Variants in CRPPA observed in about 807,000 individuals in gnomAD.
The protein encoded by CRPPA is D-ribitol-5-phosphate cytidylyltransferase.
In CRPPA, 43 loss-of-function variants were observed where a neutral mutation model predicts 52.0. The observed-to-expected ratio is 0.83, with a 90% CI of 0.65 to 1.07. The LOEUF (loss-of-function observed/expected upper bound fraction) is 1.07. Ranked by LOEUF, CRPPA falls within the 50% of genes least tolerant of loss-of-function variation. The pLI is 0.00. For missense variants in CRPPA, 629 were observed against 551.7 expected (o/e 1.14, Z -1.40); for synonymous variants, 250 against 203.5 (o/e 1.23, Z -1.94).
At chr7:16,156,449 C>T (rs920883274) in intron 9 of CRPPA, among the ~76,000 whole-genome samples, 27 of 152,286 alleles carry the variant, frequency 1.8e-4, no homozygotes, top group African/African-American at 6.5e-4. Flanking sequence ...TCTTAAAGGT[C>T]AGGTGGCAGA....
At chr7:16,350,250 G>C (rs2128307660) in intron 3 of CRPPA, among the ~76,000 whole-genome samples, 1 of 152,200 alleles carries the variant, frequency 6.6e-6, no homozygotes, top group Middle Eastern at 3.4e-3. Context: ...ATGCTAAAGG[G>C]AGTTCCTCAG....
Position 16,308,637 on chromosome 7 carries a change from A to AAAC in CRPPA, c.685-13_685-11dup, listed in dbSNP as rs142647500. On this transcript the variant is annotated splice_polypyrimidine_tract_variant and intron_variant, in intron 3 of 9. Coordinates refer to ENST00000407010, the MANE Select transcript of CRPPA (RefSeq NM_001101426.4). ...AGTCATAGTCACTACACTGGTGTGG[A>AAAC]AACAACAACAACAACAATTAAGCTA... 37,022 of 1,406,232 alleles carry AAAC rather than the reference A, an allele frequency of 0.026. 1,186 individuals carry two copies. The highest frequency in any genetic ancestry group is 0.18 in the East Asian group (7,569 of 43,048). 87.1% of individuals were successfully genotyped at this position (1,406,232 alleles called of 1,614,324 possible). A position where few individuals can be genotyped will look rare whatever the true frequency, so the allele number is the denominator to read the frequency against.
intron 5 of CRPPA, among the ~76,000 whole-genome samples, chr7:16,300,250 C>A (rs1784765416): frequency 6.6e-6 from 1 of 152,136 alleles, no homozygotes; most frequent in African/African-American, 2.4e-5. Context: ...TTTTCATTTT[C>A]TGAATGTGAA....
intron 2 of CRPPA, among the ~76,000 whole-genome samples, chr7:16,387,908 G>A (rs1208771609): frequency 6.6e-6 from 1 of 152,080 alleles, no homozygotes; most frequent in African/African-American, 2.4e-5. Flanking sequence ...AGTTATAAGA[G>A]GATCAAAATC....
intron 9 of CRPPA, among the ~76,000 whole-genome samples, chr7:16,203,538 T>G (rs1459171064): frequency 9.2e-5 from 14 of 152,170 alleles, no homozygotes; most frequent in African/African-American, 2.4e-5. Context: ...GTGGGAGCAG[T>G]ATATTTTATA....
intron 9 of CRPPA, among the ~76,000 whole-genome samples, chr7:16,178,936 T>A (rs1420171239): frequency 6.6e-6 from 1 of 152,044 alleles, no homozygotes; most frequent in Non-Finnish European, 1.5e-5. Flanking sequence ...GAGGCTCTAT[T>A]TACTAGCAAG....
intron 3 of CRPPA, among the ~76,000 whole-genome samples, chr7:16,318,981 A>G (rs1785202215): frequency 6.6e-6 from 1 of 152,128 alleles, no homozygotes; most frequent in African/African-American, 2.4e-5. Flanking sequence ...GCTATCATCC[A>G]CAGAAGACTT....
chr7:16,242,408 G>A (rs1387039757), intron 8 of CRPPA, among the ~76,000 whole-genome samples: 1 of 152,046 alleles, frequency 6.6e-6, no homozygotes, highest in Non-Finnish European at 1.5e-5. Flanking sequence ...ACAGAGAACT[G>A]GATATGTCCC....
At chr7:16,403,103 G>C (rs1472576746) in intron 2 of CRPPA, among the ~76,000 whole-genome samples, 1 of 152,128 alleles carries the variant, frequency 6.6e-6, no homozygotes, top group Non-Finnish European at 1.5e-5. Context: ...AAAGCCAGGA[G>C]ACAGTGACAT....
At chr7:16,262,305 T>C (rs1365086206) in intron 6 of CRPPA, among the ~76,000 whole-genome samples, 2 of 152,192 alleles carry the variant, frequency 1.3e-5, no homozygotes, top group African/African-American at 4.8e-5. Flanking sequence ...TAAATTGGAA[T>C]ATGCTGCAAT....
intron 1 of CRPPA, among the ~76,000 whole-genome samples, chr7:16,410,783 C>T (rs912752941): frequency 1.2e-4 from 19 of 152,106 alleles, no homozygotes; most frequent in African/African-American, 4.1e-4. Flanking sequence ...CTTACCTGGC[C>T]TCTCAACACT....
At chr7:16,342,936 G>T (rs1037436978) in intron 3 of CRPPA, among the ~76,000 whole-genome samples, 30 of 137,448 alleles carry the variant, frequency 2.2e-4, no homozygotes, top group African/African-American at 7.2e-4. Flanking sequence ...CCTACTTAAG[G>T]GGCTGAGGTG....
chr7:16,281,383 C>T (rs1784318025), intron 5 of CRPPA, among the ~76,000 whole-genome samples: 1 of 152,152 alleles, frequency 6.6e-6, no homozygotes, highest in Non-Finnish European at 1.5e-5. Context: ...CTTGTATAGT[C>T]AGTAACCTTG....
At chr7:16,305,435 G>C (rs970395420) in intron 4 of CRPPA, among the ~76,000 whole-genome samples, 30 of 152,196 alleles carry the variant, frequency 2.0e-4, no homozygotes, top group African/African-American at 6.8e-4. Context: ...TCATTCATAA[G>C]AGTAGAGCTC....
chr7:16,380,159 G>T (rs962924511), intron 2 of CRPPA, among the ~76,000 whole-genome samples: 1 of 151,146 alleles, frequency 6.6e-6, no homozygotes, highest in South Asian at 2.1e-4. Context: ...TTTGAGATAC[G>T]TCCCATCAAT....
chr7:16,147,541 TAAGTAAAATA>T (rs1293588051), intron 9 of CRPPA, among the ~76,000 whole-genome samples: 1 of 152,212 alleles, frequency 6.6e-6, no homozygotes, highest in Non-Finnish European at 1.5e-5. Context: ...CTTTGTTCAA[TAAGTAAAATA>T]ACTTATTGAA....
intron 9 of CRPPA, among the ~76,000 whole-genome samples, chr7:16,093,494 T>C (rs552305177): frequency 4.6e-5 from 7 of 152,152 alleles, no homozygotes; most frequent in Non-Finnish European, 7.3e-5. Context: ...TAAAGTGCTC[T>C]TTTCTATCAA....
intron 8 of CRPPA, among the ~76,000 whole-genome samples, chr7:16,236,632 A>T (rs755561366): frequency 6.6e-6 from 1 of 152,114 alleles, no homozygotes; most frequent in Non-Finnish European, 1.5e-5. Flanking sequence ...GTGGCTACAG[A>T]TCTTAATCCT....
intron 2 of CRPPA, among the ~76,000 whole-genome samples, chr7:16,395,189 G>C (rs1405644718): frequency 1.3e-5 from 2 of 152,140 alleles, no homozygotes; most frequent in African/African-American, 2.4e-5. Flanking sequence ...ACCAGCCTCA[G>C]TGATTACTTG....
Sources: allele counts gnomAD v4.1 joint callset (sites outside exome capture counted in the v4.1 genomes callset), GRCh38; gene constraint gnomAD v4.1.1; transcripts MANE v1.5; gene names NCBI Gene and HGNC (gene_info 2026-07-23, HGNC 2026-07-21).